Variants in PPP2R1B observed in about 807,000 individuals in gnomAD.
PPP2R1B encodes serine/threonine-protein phosphatase 2A 65 kDa regulatory subunit A beta isoform.
In PPP2R1B, 58 loss-of-function variants were observed where a neutral mutation model predicts 72.7. The observed-to-expected ratio is 0.80, with a 90% CI of 0.65 to 0.99. The LOEUF (loss-of-function observed/expected upper bound fraction) is 0.99, where lower values mean the gene tolerates loss of function less well. PPP2R1B is among the 50% of genes least tolerant of loss of function. PPP2R1B has a pLI of 0.00. For missense variants in PPP2R1B, 695 were observed against 733.6 expected, an observed-to-expected ratio of 0.95 and a Z score of 0.61; for synonymous variants, 256 against 264.6, an observed-to-expected ratio of 0.97 and a Z score of 0.32.
chr11:111,692,919 T>C, the PPP2R1B span, among the ~76,000 whole-genome samples: 2 of 152,232 alleles, frequency 1.3e-5, no homozygotes, highest in East Asian at 3.9e-4. Context: ...AGCACAAAAT[T>C]AAAATATTTT....
chr11:111,710,295 G>T, the PPP2R1B span, among the ~76,000 whole-genome samples: 1 of 152,144 alleles, frequency 6.6e-6, no homozygotes, highest in South Asian at 2.1e-4. Flanking sequence ...CACAAGGAAA[G>T]CTATTTCTTT....
chr11:111,733,733 C>T (rs1482137465), downstream of PPP2R1B, among the ~76,000 whole-genome samples: 5 of 152,198 alleles, frequency 3.3e-5, no homozygotes, highest in South Asian at 4.1e-4. Flanking sequence ...GTCTGGGATC[C>T]GCCAGAACTG....
intron 1 of PPP2R1B, among the ~76,000 whole-genome samples, 189 bp from the exon 2 acceptor site, chr11:111,765,573 G>A (rs1265372925): frequency 6.6e-6 from 1 of 152,170 alleles, no homozygotes; most frequent in Non-Finnish European, 1.5e-5. Flanking sequence ...CTCACTAGCC[G>A]GCGGAGGATT....
At chr11:111,720,740 A>G in the PPP2R1B span, 1 of 1,600,234 alleles carries the variant, frequency 6.2e-7, no homozygotes, top group Non-Finnish European at 8.5e-7. Flanking sequence ...GCCGCAGAGC[A>G]TCAGATACCT....
downstream of PPP2R1B, among the ~76,000 whole-genome samples, chr11:111,734,194 T>G (rs1023927748): frequency 9.2e-5 from 14 of 152,218 alleles, no homozygotes; most frequent in Non-Finnish European, 1.6e-4. Context: ...TTACTTTAAC[T>G]CTTGCCTGCC....
At chr11:111,713,711 G>T in the PPP2R1B span, among the ~76,000 whole-genome samples, 1 of 152,238 alleles carries the variant, frequency 6.6e-6, no homozygotes, top group Non-Finnish European at 1.5e-5. Flanking sequence ...GCTTACGCCT[G>T]TAATCGCAGC....
chr11:111,734,794 G>A (rs1944292201), downstream of PPP2R1B, among the ~76,000 whole-genome samples: 1 of 152,186 alleles, frequency 6.6e-6, no homozygotes, highest in South Asian at 2.1e-4. Context: ...CACACTCCCA[G>A]CAGAGCTCCT....
At chr11:111,733,133 GGGCAGAGAGC>G (rs1387864479), downstream of PPP2R1B, among the ~76,000 whole-genome samples, 2 of 152,226 alleles carry the variant, frequency 1.3e-5, no homozygotes, top group Non-Finnish European at 2.9e-5. Context: ...AGGTCAGGCA[GGGCAGAGAGC>G]TTGCCAGGCG....
At chr11:111,704,208 A>T in the PPP2R1B span, among the ~76,000 whole-genome samples, 1 of 152,120 alleles carries the variant, frequency 6.6e-6, no homozygotes, top group Admixed American at 6.5e-5. Flanking sequence ...CTTGTCCATG[A>T]AGTGCATCCT....
Position 111,742,147 on chromosome 11 carries a change from G to T in PPP2R1B, c.1698-3C>A. On this transcript the variant is annotated splice_polypyrimidine_tract_variant and splice_region_variant and intron_variant, in intron 13 of 14. Coordinates refer to ENST00000527614, the MANE Select transcript of PPP2R1B (RefSeq NM_002716.5). ...GCTTCACTTCTCCCTGTAAAGCACT[G>T]ACATTCAAAAGTATTATCTGTGAAA... 1 of 1,608,040 alleles carries T rather than the reference G, an allele frequency of 6.2e-7. No individual in the cohort carries two copies. The highest frequency in any genetic ancestry group is 1.1e-5 in the South Asian group (1 of 90,938).
At chr11:111,755,990 C>T (rs1237091910) in intron 5 of PPP2R1B, among the ~76,000 whole-genome samples, 1 of 151,978 alleles carries the variant, frequency 6.6e-6, no homozygotes, top group East Asian at 2.0e-4. Flanking sequence ...AGGCGGATCA[C>T]GAGGTCAGGA....
chr11:111,752,334 T>C lies in PPP2R1B; in HGVS notation c.1165-2A>G. ...GATATTCAAACGAACGTCAGGACAC[T>C]GCAAGTACACAAGCCCCAAAAGACC... On this transcript the variant is annotated splice_acceptor_variant, in intron 9 of 14. Transcript: ENST00000527614. LOFTEE classifies it high-confidence loss of function. 1.2e-6 allele frequency: 2 copies of C among 1,602,020 alleles called. No homozygotes were observed. The highest frequency in any genetic ancestry group is 1.7e-6 in the Non-Finnish European group (2 of 1,173,818).
chr11:111,755,583 T>G, intron 5 of PPP2R1B, 133 bp from the exon 6 acceptor site: 1 of 650,878 alleles, frequency 1.5e-6, no homozygotes, highest in Non-Finnish European at 2.3e-6. Context: ...CGTCTTGACA[T>G]CTTTTTCTTT....
At chr11:111,697,730 A>G in the PPP2R1B span, among the ~76,000 whole-genome samples, 8 of 152,200 alleles carry the variant, frequency 5.3e-5, no homozygotes, top group African/African-American at 1.9e-4. Flanking sequence ...AGTGGCTCAC[A>G]CCTGTAATCC....
intron 5 of PPP2R1B, among the ~76,000 whole-genome samples, chr11:111,756,011 A>T (rs1340605969): frequency 4.0e-5 from 6 of 151,730 alleles, no homozygotes; most frequent in Non-Finnish European, 8.8e-5. Context: ...GAGGGAAACC[A>T]TCCTAGCTAA....
chr11:111,707,419 G>A, the PPP2R1B span, among the ~76,000 whole-genome samples: 2 of 152,104 alleles, frequency 1.3e-5, no homozygotes, highest in Non-Finnish European at 1.5e-5. Flanking sequence ...TCTTATGTTC[G>A]ATAATTTTTT....
rs1944461686 is a variant in PPP2R1B at position 111,739,886 on chromosome 11, A to G, written c.*1710T>C. 1.0e-6 allele frequency: 1 copy of G among 981,070 alleles called. No homozygotes were observed. 60.8% of individuals were successfully genotyped at this position (981,070 alleles called of 1,614,324 possible). A position where few individuals can be genotyped will look rare whatever the true frequency, so the allele number is the denominator to read the frequency against. On this transcript the variant is annotated 3_prime_UTR_variant, in exon 15 of 15. Transcript: ENST00000527614. ...TTCTTGGCCCAAAGTCATAAAATAG[A>G]AACTTACTATAAGGTAATTTGGCAG... is the stretch of plus-strand genomic sequence containing the variant.
At chr11:111,688,198 A>C in the PPP2R1B span, 8 of 1,609,206 alleles carry the variant, frequency 5.0e-6, no homozygotes, top group Middle Eastern at 1.6e-4. This position sits in a 1 kb window ranked among gnomAD's most constrained non-coding sequence, Gnocchi z 4.2. Flanking sequence ...TAAGATCCGA[A>C]GTGAGCCACT....
chr11:111,731,821 G>C (rs901406396), intron 15 of PPP2R1B, among the ~76,000 whole-genome samples: 1 of 152,206 alleles, frequency 6.6e-6, no homozygotes, highest in East Asian at 1.9e-4. Context: ...GTATTGCTGA[G>C]TTTCATTTCT....
Sources: allele counts gnomAD v4.1 joint callset (sites outside exome capture counted in the v4.1 genomes callset), GRCh38; gene constraint gnomAD v4.1.1; non-coding constraint Gnocchi (gnomAD v3.1); transcripts MANE v1.5; gene names NCBI Gene and HGNC (gene_info 2026-07-23, HGNC 2026-07-21).